Variants in WWOX observed in about 807,000 individuals in gnomAD.
WWOX encodes WW domain containing oxidoreductase, also known as WW domain-containing oxidoreductase.
Under a neutral mutation model 46.2 loss-of-function variants are expected in WWOX, and 69 were observed. The observed-to-expected ratio is 1.49, with a 90% confidence interval of 1.23 to 1.82. WWOX has a LOEUF of 1.82. WWOX is among the 40% of genes most tolerant of loss of function. The pLI is 0.00. For synonymous variants in WWOX, 359 were observed against 202.6 expected (o/e 1.77, Z -6.56); for missense variants, 919 against 542.6 (o/e 1.69, Z -6.89).
chr16:79,062,114 C>T (rs952406563), intron 8 of WWOX, among the ~76,000 whole-genome samples: 12 of 152,112 alleles, frequency 7.9e-5, no homozygotes, highest in Non-Finnish European at 1.5e-4. Flanking sequence ...GATCTCATAG[C>T]ACAGAATGAC....
chr16:78,330,306 C>T (rs2080724817), intron 5 of WWOX, among the ~76,000 whole-genome samples: 1 of 151,824 alleles, frequency 6.6e-6, no homozygotes, highest in African/African-American at 2.4e-5. Flanking sequence ...TATTTTACCA[C>T]AAATTAAAGA....
At chr16:78,716,260 C>G (rs961872174) in intron 8 of WWOX, among the ~76,000 whole-genome samples, 1 of 152,094 alleles carries the variant, frequency 6.6e-6, no homozygotes, top group African/African-American at 2.4e-5. Flanking sequence ...GGGGGAATGT[C>G]TGGGACTGCC....
intron 8 of WWOX, among the ~76,000 whole-genome samples, chr16:79,045,611 A>G (rs977258705): frequency 2.6e-5 from 4 of 152,038 alleles, no homozygotes; most frequent in African/African-American, 7.2e-5. Flanking sequence ...TCAGCTATCA[A>G]TGAAAAGGAC....
At chr16:78,584,924 G>A (rs1221559829) in intron 8 of WWOX, among the ~76,000 whole-genome samples, 5 of 152,144 alleles carry the variant, frequency 3.3e-5, no homozygotes, top group Admixed American at 6.5e-5. Flanking sequence ...TTTTTCTCCC[G>A]CCTCGGTCAA....
rs144722185 is a variant in WWOX, at chr16:79,148,783, G to A, written c.1057-62825G>A. ...CTAAGCATTTCATTTTCTTTGGAGC[G>A]ATTGTAAATGGCATTGTGTTTTTAA... On this transcript the variant is annotated intron_variant, in intron 8 of 8. Coordinates refer to ENST00000566780, the MANE Select transcript of WWOX (RefSeq NM_016373.4). Among the ~76,000 whole-genome samples the A allele has an allele frequency of 1.5e-3, 205 of 135,070 alleles. 3 individuals carry two copies. The highest frequency in any genetic ancestry group is 5.4e-3 in the African/African-American group (197 of 36,642). The allele number at this position is 135,070 out of a possible 152,430, so 88.6% of individuals were successfully genotyped here.
At chr16:79,170,132 C>T (rs2050672044) in intron 8 of WWOX, among the ~76,000 whole-genome samples, 1 of 152,166 alleles carries the variant, frequency 6.6e-6, no homozygotes, top group African/African-American at 2.4e-5. Flanking sequence ...GGAAAAGTTG[C>T]TATCATGTCC....
At chr16:79,049,473 T>G (rs1216854816) in intron 8 of WWOX, among the ~76,000 whole-genome samples, 2 of 152,148 alleles carry the variant, frequency 1.3e-5, no homozygotes, top group African/African-American at 4.8e-5. Flanking sequence ...GCAGCACAGC[T>G]GGGACACTCC....
At chr16:78,221,125 C>G (rs778608871) in intron 5 of WWOX, among the ~76,000 whole-genome samples, 44 of 152,148 alleles carry the variant, frequency 2.9e-4, no homozygotes, top group Non-Finnish European at 5.1e-4. Flanking sequence ...ATCTCTACAG[C>G]TTTGAGAATG....
At chr16:78,415,203 C>T (rs1368327392) in intron 6 of WWOX, among the ~76,000 whole-genome samples, 1 of 151,616 alleles carries the variant, frequency 6.6e-6, no homozygotes, top group Admixed American at 6.6e-5. Flanking sequence ...AGGGTTCTTC[C>T]CCTTTTTAGA....
chr16:78,877,105 A>C (rs1312578064), intron 8 of WWOX, among the ~76,000 whole-genome samples: 3 of 152,202 alleles, frequency 2.0e-5, no homozygotes, highest in Non-Finnish European at 4.4e-5. Flanking sequence ...TCAGTAAGGA[A>C]GAAGGTTTTG....
chr16:79,015,407 G>C (rs1228638406), intron 8 of WWOX, among the ~76,000 whole-genome samples: 1 of 152,204 alleles, frequency 6.6e-6, no homozygotes, highest in East Asian at 1.9e-4. Flanking sequence ...TTGCAAAATA[G>C]TAACAATATT....
At chr16:79,183,129 G>C (rs1384396151) in intron 8 of WWOX, among the ~76,000 whole-genome samples, 1 of 152,220 alleles carries the variant, frequency 6.6e-6, no homozygotes, top group Non-Finnish European at 1.5e-5. Flanking sequence ...ACCACACCGG[G>C]AAGACCCAAG....
At chr16:78,375,932 A>G (rs1339035925) in intron 5 of WWOX, among the ~76,000 whole-genome samples, 2 of 150,280 alleles carry the variant, frequency 1.3e-5, no homozygotes, top group Non-Finnish European at 1.5e-5. Context: ...GCTCACTGCA[A>G]CTCCGCATCC....
chr16:79,073,591 G>A (rs1162188411), intron 8 of WWOX, among the ~76,000 whole-genome samples: 1 of 152,160 alleles, frequency 6.6e-6, no homozygotes, highest in African/African-American at 2.4e-5. Context: ...TGCAGACACT[G>A]CTGAGTGTCT....
intron 4 of WWOX, among the ~76,000 whole-genome samples, chr16:78,150,589 C>T (rs1469525569): frequency 1.3e-5 from 2 of 152,116 alleles, no homozygotes; most frequent in Non-Finnish European, 2.9e-5. Context: ...CAATATGTCA[C>T]CCAGGCTGGT....
intron 8 of WWOX, among the ~76,000 whole-genome samples, chr16:78,819,717 C>T (rs9889128): frequency 0.16 from 24,391 of 152,192 alleles, 2,142 homozygotes; most frequent in African/African-American, 0.23. Flanking sequence ...TGGCCTAAGC[C>T]GCAATTCTGG....
intron 8 of WWOX, among the ~76,000 whole-genome samples, chr16:78,920,229 A>C (rs1309303933): frequency 1.3e-5 from 2 of 152,180 alleles, no homozygotes; most frequent in Non-Finnish European, 2.9e-5. Flanking sequence ...ACAAGTTCTT[A>C]AAGTTTCTTC....
chr16:78,120,539 C>T (rs933039992), intron 4 of WWOX, among the ~76,000 whole-genome samples: 19 of 150,228 alleles, frequency 1.3e-4, no homozygotes, highest in Non-Finnish European at 4.4e-5. Flanking sequence ...CACTGCAGTC[C>T]GCAGTCCGGC....
At chr16:78,672,732 T>A (rs1320275399) in intron 8 of WWOX, among the ~76,000 whole-genome samples, 1 of 152,238 alleles carries the variant, frequency 6.6e-6, no homozygotes, top group Admixed American at 6.5e-5. Context: ...CCGTTACTGG[T>A]CTGCAGCCCC....
Sources: allele counts gnomAD v4.1 joint callset (sites outside exome capture counted in the v4.1 genomes callset), GRCh38; gene constraint gnomAD v4.1.1; transcripts MANE v1.5; gene names NCBI Gene and HGNC (gene_info 2026-07-23, HGNC 2026-07-21).